The following DPP8 variants were observed in gnomAD, a reference collection of about 807,000 sequenced individuals.
DPP8 encodes dipeptidyl peptidase 8, also known as DPP VIII.
DPP8 carries 31 observed loss-of-function variants against 107.5 expected under a neutral mutation model. The observed-to-expected ratio is 0.29, with a 90% CI of 0.22 to 0.39. The LOEUF (loss-of-function observed/expected upper bound fraction) is 0.39, where lower values mean the gene tolerates loss of function less well. DPP8 is among the 10% of genes least tolerant of loss of function. The pLI, the probability that DPP8 is intolerant of heterozygous loss-of-function variation, is 1.00. For missense variants in DPP8, 842 were observed against 1,076.1 expected, an observed-to-expected ratio of 0.78 and a Z score of 3.04; for synonymous variants, 381 against 356.6, an observed-to-expected ratio of 1.07 and a Z score of -0.77.
rs1567126008 is a variant in DPP8, at chr15:65,448,906, ATATATATAT to A, written c.2527-1909_2527-1901del. ...TATATATATATATATATATATATAT[ATATATATAT>A]ATATATATTTAGCCTGGGTGTAGTG... On this transcript the variant is annotated intron_variant, in intron 19 of 19. Coordinates refer to ENST00000300141, the MANE Select transcript of DPP8 (RefSeq NM_130434.5). Among the ~76,000 whole-genome samples the A allele has an allele frequency of 3.5e-3, 287 of 81,918 alleles. 11 individuals carry two copies. The highest frequency in any genetic ancestry group is 0.013 in the African/African-American group (278 of 21,398). The allele number at this position is 81,918 out of a possible 152,430, so 53.7% of individuals were successfully genotyped here.
chr15:65,497,144 C>T (rs1380613413), intron 5 of DPP8, among the ~76,000 whole-genome samples: 1 of 152,172 alleles, frequency 6.6e-6, no homozygotes, highest in East Asian at 1.9e-4. Flanking sequence ...CCTGCCTTGG[C>T]CTCCCAAAGT....
chr15:65,454,318 G>A lies in DPP8; in HGVS notation c.2216C>T (p.Ser739Phe). 6.2e-7 allele frequency: 1 copy of A among 1,601,892 alleles called. No individual in the cohort carries two copies. Among genetic ancestry groups the A allele is most frequent in the Non-Finnish European group, 8.5e-7 (1 of 1,175,680 alleles). The change falls in exon 17 of 20, where the codon TCC (serine) becomes TTC (phenylalanine). Residue 739 changes from serine (S) to phenylalanine (F), a missense_variant. Physicochemically the swap from Ser to Phe is radical, Grantham distance 155 (BLOSUM62 -2). Around this residue, in one of 2 missense-constraint regions of DPP8, gnomAD observed 179 missense variants for 318.0 expected, o/e 0.56. Coordinates refer to ENST00000300141, the MANE Select transcript of DPP8 (RefSeq NM_130434.5). ...DLDRVGIHGW[S>F]YGGYLSLMAL... ...CATCAGGGAGAGGTATCCTCCATAG[G>A]ACCAGCCGTGGATGCCCACACGATC...
intron 2 of DPP8, chr15:65,512,004 A>T: frequency 1.9e-6 from 1 of 535,012 alleles, no homozygotes; most frequent in Non-Finnish European, 3.6e-6. Flanking sequence ...TTGTTTTCCT[A>T]ATCAGACCAT....
At chr15:65,469,186 G>A (rs1031113047) in intron 12 of DPP8, among the ~76,000 whole-genome samples, 1 of 151,730 alleles carries the variant, frequency 6.6e-6, no homozygotes, top group African/African-American at 2.4e-5. Flanking sequence ...TGTTGGCCAG[G>A]CTGGTCTCGA....
At chr15:65,516,722 G>A (rs2071483190) in intron 1 of DPP8, 1 of 152,148 alleles carries the variant, frequency 6.6e-6, no homozygotes, top group African/African-American at 2.4e-5. Flanking sequence ...TTAACTCAAG[G>A]GCCAAACAGC....
intron 6 of DPP8, among the ~76,000 whole-genome samples, chr15:65,488,849 G>A (rs936877158): frequency 6.6e-6 from 1 of 152,174 alleles, no homozygotes; most frequent in Non-Finnish European, 1.5e-5. Context: ...GCCACAAGAA[G>A]GGGAGGAATT....
Position 65,490,314 on chromosome 15 carries a change from A to G in DPP8, c.716-15T>C. 1 of 1,499,194 alleles carries G rather than the reference A, an allele frequency of 6.7e-7. No homozygotes were observed. Among genetic ancestry groups the G allele is most frequent in the Non-Finnish European group, 9.3e-7 (1 of 1,076,538 alleles). The allele number at this position is 1,499,194 out of a possible 1,614,324, so 92.9% of individuals were successfully genotyped here. A position where few individuals can be genotyped will look rare whatever the true frequency, so the allele number is the denominator to read the frequency against. On this transcript the variant is annotated splice_polypyrimidine_tract_variant and intron_variant, in intron 5 of 19. Coordinates refer to ENST00000300141, the MANE Select transcript of DPP8 (RefSeq NM_130434.5). The stretch of plus-strand genomic sequence containing the variant: ...GTTGGCTAGCTCTAGACAAATATAA[A>G]AGGCAAAATTATCACAGAAAGCTAT...
Position 65,487,673 on chromosome 15 carries a change from C to T in DPP8, c.955+17G>A, listed in dbSNP as rs774753504. The T allele has an allele frequency of 3.1e-6, 5 of 1,596,626 alleles. No individual in the cohort carries two copies. The Admixed American group carries it at 8.9e-5, about 28-fold the overall frequency. On this transcript the variant is annotated intron_variant, in intron 7 of 19. Coordinates refer to ENST00000300141, the MANE Select transcript of DPP8 (RefSeq NM_130434.5). ...AAGAGGAAATGAGTGAATATAAATG[C>T]CAATGGAGTACAGTACCTGTTTTAG...
At position 65,456,365 on chromosome 15, in the gene DPP8, A is replaced by G. The variant is rs2064418829; in HGVS notation, c.1978T>C (p.Leu660=). 1.2e-6 allele frequency: 2 copies of G among 1,609,682 alleles called. No homozygotes were observed. Among genetic ancestry groups the G allele is most frequent in the Non-Finnish European group, 8.5e-7 (1 of 1,178,768 alleles). ...ACTCCTTTAAACCGATTATTCACCAACTGCACCTGAGGAAGAAACACAACT... is the reference window on the plus strand; with the variant it reads ...ACTCCTTTAAACCGATTATTCACCAGCTGCACCTGAGGAAGAAACACAACT... ...LFIYGGPQVQ[L]VNNRFKGVKY... is the part of the protein sequence containing the mutation. Residue 660 remains leucine (L), a synonymous_variant, in exon 16 of 20, where the codon TTG becomes CTG. Coordinates refer to ENST00000300141, the MANE Select transcript of DPP8 (RefSeq NM_130434.5).
chr15:65,487,263 C>T (rs534578170), intron 7 of DPP8, among the ~76,000 whole-genome samples: 100 of 152,042 alleles, frequency 6.6e-4, no homozygotes, highest in African/African-American at 2.4e-3. Context: ...AATTATCCTG[C>T]GTCAGCCTCC....
At chr15:65,493,414 T>C (rs2068245311) in intron 5 of DPP8, among the ~76,000 whole-genome samples, 1 of 152,140 alleles carries the variant, frequency 6.6e-6, no homozygotes, top group Admixed American at 6.6e-5. Context: ...TCTACCATAA[T>C]ACATTATGTA....
chr15:65,448,917 TA>T (rs2063754213), intron 19 of DPP8, among the ~76,000 whole-genome samples: 3 of 92,592 alleles, frequency 3.2e-5, no homozygotes, highest in African/African-American at 4.4e-5. Context: ...TATATATATA[TA>T]TATATTTAGC....
rs570197144 is a variant in DPP8 at position 65,479,121 on chromosome 15, A to G, written c.1297-82T>C. The G allele has an allele frequency of 7.6e-6, 7 of 918,656 alleles. No homozygotes were observed. In the East Asian group the frequency reaches 1.9e-4, roughly 25 times the overall value. 56.9% of individuals were successfully genotyped at this position (918,656 alleles called of 1,614,324 possible). A position where few individuals can be genotyped will look rare whatever the true frequency, so the allele number is the denominator to read the frequency against. ...ATTAGGCTACAGGAAAAATTTCTTG[A>G]TAAATATACTTTGAAATATAAATAA... On this transcript the variant is annotated intron_variant, in intron 10 of 19. Coordinates refer to ENST00000300141, the MANE Select transcript of DPP8 (RefSeq NM_130434.5).
intron 12 of DPP8, among the ~76,000 whole-genome samples, chr15:65,473,070 G>C (rs1486291536): frequency 9.9e-5 from 15 of 151,946 alleles, no homozygotes; most frequent in Admixed American, 9.8e-4. Context: ...GCAGGACGCA[G>C]TGGCTCACAC....
In DPP8 at chr15:65,467,102, CG is replaced by C; in HGVS notation, c.1657del (p.Arg553ValfsTer17). The stretch of plus-strand genomic sequence containing the variant: ...GATGCAGCAAGAATGTGAGTAGCCA[CG>C]GTCAGTCAGCCTTGTCACCTCTCCA... ...NPGEVTRLTD[R>X]GYSHSCCISQ... On this transcript the variant is annotated frameshift_variant, in exon 13 of 20. Transcript: ENST00000300141. LOFTEE classifies it high-confidence loss of function. 1 of 1,614,124 alleles carries C rather than the reference CG, an allele frequency of 6.2e-7. No homozygotes were observed. Among genetic ancestry groups the C allele is most frequent in the Non-Finnish European group, 8.5e-7 (1 of 1,180,014 alleles).
intron 8 of DPP8, among the ~76,000 whole-genome samples, chr15:65,483,586 C>T (rs1384416576): frequency 7.1e-6 from 1 of 140,710 alleles, no homozygotes; most frequent in Non-Finnish European, 1.5e-5. Flanking sequence ...TTTCTTCAAA[C>T]AATAAAATAA....
intron 2 of DPP8, among the ~76,000 whole-genome samples, chr15:65,507,741 C>T (rs1433389361): frequency 6.6e-6 from 1 of 151,306 alleles, no homozygotes; most frequent in Non-Finnish European, 1.5e-5. Flanking sequence ...TAGTCCCTCT[C>T]AAAATAAATA....
intron 5 of DPP8, 100 bp downstream of exon 5, chr15:65,497,764 A>T: frequency 1.1e-6 from 1 of 939,796 alleles, no homozygotes; most frequent in Non-Finnish European, 1.5e-6. Flanking sequence ...TTCAAATATA[A>T]AGATCACCCA....
intron 17 of DPP8, among the ~76,000 whole-genome samples, chr15:65,454,045 T>C (rs1302415209): frequency 1.4e-5 from 2 of 147,696 alleles, no homozygotes; most frequent in South Asian, 2.1e-4. Context: ...GGCTGAGACA[T>C]GAGAATCACT....
Sources: allele counts gnomAD v4.1 joint callset (sites outside exome capture counted in the v4.1 genomes callset), GRCh38; gene constraint gnomAD v4.1.1; regional missense constraint gnomAD v4.1.1; transcripts MANE v1.5; gene names NCBI Gene and HGNC (gene_info 2026-07-23, HGNC 2026-07-21).